CACNA1D: variants seen among roughly 807,000 people sequenced by gnomAD.
CACNA1D encodes the protein calcium voltage-gated channel subunit alpha1 D.
A neutral mutation model predicts 257.1 loss-of-function variants in CACNA1D; 55 were observed. The ratio of observed to expected loss-of-function variants is 0.21; its 90% CI spans 0.17 to 0.27. The LOEUF is 0.27. Among genes scored for constraint, CACNA1D ranks in the 10% least tolerant of loss-of-function variants. The pLI is 1.00. For synonymous variants in CACNA1D, 980 were observed against 1,014.9 expected (o/e 0.97, Z 0.65); for missense variants, 1,876 against 2,784.0 (o/e 0.67, Z 7.34).
intron 3 of CACNA1D, among the ~76,000 whole-genome samples, chr3:53,640,496 G>A (rs2093938017): frequency 6.6e-6 from 1 of 152,062 alleles, no homozygotes; most frequent in Non-Finnish European, 1.5e-5. Context: ...TTGGAATCTA[G>A]TGAGGTGAAG....
At chr3:53,771,174 C>T (rs2095364376) in intron 32 of CACNA1D, among the ~76,000 whole-genome samples, 1 of 152,136 alleles carries the variant, frequency 6.6e-6, no homozygotes, top group South Asian at 2.1e-4. Context: ...GACATTCTAG[C>T]CTTCTGGACT....
At chr3:53,659,917 G>A (rs575679898) in intron 4 of CACNA1D, among the ~76,000 whole-genome samples, 47 of 152,218 alleles carry the variant, frequency 3.1e-4, no homozygotes, top group South Asian at 1.0e-3. Context: ...GCTCCATTGC[G>A]GTAAAAACAG....
rs547803263 is a variant in CACNA1D, at chr3:53,803,336, G to A, written c.5436-87G>A. 769 of 1,506,966 alleles carry A rather than the reference G, an allele frequency of 5.1e-4. 11 individuals carry two copies. The African/African-American group carries it at 9.9e-3, about 19-fold the overall frequency. The allele number at this position is 1,506,966 out of a possible 1,614,324, so 93.3% of individuals were successfully genotyped here. On this transcript the variant is annotated intron_variant, in intron 43 of 47. Coordinates refer to ENST00000350061, the MANE Select transcript of CACNA1D (RefSeq NM_001128840.3). ...GGGAGAAGCCAGGAGCACCCGGGCA[G>A]GGTTGCCGGCCACAGGCAGAGGTGC...
At chr3:53,749,197 G>A in intron 26 of CACNA1D, 71 bp from the exon 27 acceptor site, 1 of 1,089,814 alleles carries the variant, frequency 9.2e-7, no homozygotes, top group African/African-American at 1.5e-5. Flanking sequence ...GGGAGGACCT[G>A]GGAAGGCAGC....
At chr3:53,548,216 A>G (rs1165057806) in intron 3 of CACNA1D, among the ~76,000 whole-genome samples, 1 of 152,100 alleles carries the variant, frequency 6.6e-6, no homozygotes, top group East Asian at 1.9e-4. Flanking sequence ...AGAAAGTACT[A>G]CCTTTGTGGC....
intron 20 of CACNA1D, among the ~76,000 whole-genome samples, chr3:53,735,767 C>T (rs1014974328): frequency 7.9e-5 from 12 of 152,204 alleles, no homozygotes; most frequent in African/African-American, 2.2e-4. Context: ...CCTGCTTCTC[C>T]GCCTCTTTGC....
Position 53,696,100 on chromosome 3 carries a change from A to T in CACNA1D, c.1221-6541A>T, listed in dbSNP as rs1003558216. On this transcript the variant is annotated intron_variant, in intron 8 of 47. Coordinates refer to ENST00000350061, the MANE Select transcript of CACNA1D (RefSeq NM_001128840.3). ...TGCCTCAGCCTCCTGAGTAGCTGAGACCACAGGTGCATGCCATTGCACTTG... is the reference window on the plus strand; with the variant it reads ...TGCCTCAGCCTCCTGAGTAGCTGAGTCCACAGGTGCATGCCATTGCACTTG... 2.6e-5 allele frequency among the ~76,000 whole-genome samples: 4 copies of T among 152,278 alleles called. No individual in the cohort carries two copies. In the South Asian group the frequency reaches 6.2e-4, roughly 24 times the overall value.
chr3:53,583,809 G>A (rs1345957090), intron 3 of CACNA1D, among the ~76,000 whole-genome samples: 2 of 136,650 alleles, frequency 1.5e-5, no homozygotes, highest in Non-Finnish European at 3.3e-5. Flanking sequence ...AGAGCCATTT[G>A]TTTTCCCTTG....
At chr3:53,565,552 A>G (rs992787814) in intron 3 of CACNA1D, among the ~76,000 whole-genome samples, 1 of 152,204 alleles carries the variant, frequency 6.6e-6, no homozygotes, top group Admixed American at 6.5e-5. Context: ...GGAGGGAGAA[A>G]GGAAAGGAAA....
intron 25 of CACNA1D, among the ~76,000 whole-genome samples, chr3:53,747,029 A>G (rs1206675084): frequency 6.6e-6 from 1 of 152,132 alleles, no homozygotes; most frequent in Non-Finnish European, 1.5e-5. Context: ...TGTGGTTTTT[A>G]TCGGCCAACG....
intron 5 of CACNA1D, among the ~76,000 whole-genome samples, chr3:53,661,138 C>A (rs1047604428): frequency 3.9e-5 from 6 of 152,202 alleles, no homozygotes; most frequent in Non-Finnish European, 7.3e-5. Context: ...TGGGGACTTC[C>A]ATGGGTAGAA....
chr3:53,576,307 C>T (rs1387345912), intron 3 of CACNA1D, among the ~76,000 whole-genome samples: 1 of 152,178 alleles, frequency 6.6e-6, no homozygotes, highest in African/African-American at 2.4e-5. Flanking sequence ...TTTCTTAAAA[C>T]AAAATGGCAA....
In CACNA1D at chr3:53,789,851, C is replaced by T. The variant is rs114419952; in HGVS notation, c.4923+2899C>T. Among the ~76,000 whole-genome samples the T allele has an allele frequency of 7.8e-3, 1,182 of 152,274 alleles. 14 individuals carry two copies. The highest frequency in any genetic ancestry group is 0.026 in the African/African-American group (1,071 of 41,542). On this transcript the variant is annotated intron_variant, in intron 40 of 47. Transcript: ENST00000350061. The surrounding 1 kb of genome is among the most constrained non-coding windows in gnomAD (Gnocchi z 4.2). ...ACATATACGCACTGTGGTTTTGAAC[C>T]CTGTGGGCTCCATCTGATCTCCCTG...
rs2095048916 is a variant in CACNA1D, at chr3:53,735,520, G to A, written c.2751+17G>A. 1.9e-6 allele frequency: 3 copies of A among 1,613,374 alleles called. No individual in the cohort carries two copies. The highest frequency in any genetic ancestry group is 2.5e-6 in the Non-Finnish European group (3 of 1,179,968). Reference sequence around the variant, plus strand: ...CGGAACACGGTAAGTCCCCAGGGTGGGGCTCGCTCTGGGATAGCCCTGGCC... The same window carrying A: ...CGGAACACGGTAAGTCCCCAGGGTGAGGCTCGCTCTGGGATAGCCCTGGCC... On this transcript the variant is annotated intron_variant, in intron 20 of 47. Transcript: ENST00000350061.
intron 8 of CACNA1D, among the ~76,000 whole-genome samples, chr3:53,701,886 G>A (rs1328224683): frequency 6.6e-6 from 1 of 152,232 alleles, no homozygotes; most frequent in Non-Finnish European, 1.5e-5. Flanking sequence ...CAGGGCAGGT[G>A]TTCCTATAAA....
chr3:53,504,075 A>T (rs1207378994), intron 3 of CACNA1D, among the ~76,000 whole-genome samples: 13 of 150,188 alleles, frequency 8.7e-5, no homozygotes, highest in Admixed American at 7.9e-4. Context: ...TTTTAAATAC[A>T]TTTGACCCAA....
At chr3:53,794,488 A>G (rs1213225878) in intron 40 of CACNA1D, among the ~76,000 whole-genome samples, 1 of 152,200 alleles carries the variant, frequency 6.6e-6, no homozygotes, top group Non-Finnish European at 1.5e-5. Flanking sequence ...ATTTCTTCCA[A>G]GAGTGGAGAA....
intron 45 of CACNA1D, among the ~76,000 whole-genome samples, chr3:53,806,598 T>C (rs1345191053): frequency 6.6e-6 from 1 of 152,230 alleles, no homozygotes; most frequent in Non-Finnish European, 1.5e-5. Flanking sequence ...GAATGAAGCA[T>C]ATTTTTGAAC....
At chr3:53,612,051 A>C (rs1279193620) in intron 3 of CACNA1D, among the ~76,000 whole-genome samples, 1 of 152,198 alleles carries the variant, frequency 6.6e-6, no homozygotes, top group Non-Finnish European at 1.5e-5. Flanking sequence ...CATTTCTAGA[A>C]ATTTCATTTG....
Sources: gnomAD v4.1 joint callset for allele counts (sites outside exome capture counted in the v4.1 genomes callset) on GRCh38, gnomAD v4.1.1 for gene constraint, Gnocchi (gnomAD v3.1) non-coding constraint, MANE v1.5 for transcripts, NCBI Gene and HGNC (gene_info 2026-07-23, HGNC 2026-07-21) for gene names.